The following SORCS1 variants were observed in gnomAD, a reference collection of about 807,000 sequenced individuals.
The protein encoded by SORCS1 is sortilin related VPS10 domain containing receptor 1.
Under a neutral mutation model 146.1 loss-of-function variants are expected in SORCS1, and 60 were observed. That is an observed-to-expected ratio of 0.41 (90% confidence interval 0.33 to 0.51). The LOEUF (loss-of-function observed/expected upper bound fraction) is 0.51. SORCS1 is among the 20% of genes least tolerant of loss of function. SORCS1 has a pLI of 0.21. For missense variants in SORCS1, 1,352 were observed against 1,487.6 expected (o/e 0.91, Z 1.50); for synonymous variants, 637 against 584.0 (o/e 1.09, Z -1.31).
chr10:107,175,041 C>T, the SORCS1 span, among the ~76,000 whole-genome samples: 1 of 152,068 alleles, frequency 6.6e-6, no homozygotes, highest in Non-Finnish European at 1.5e-5. Flanking sequence ...CGTTTTTCTC[C>T]TCTGTTCTGT....
Position 106,958,887 on chromosome 10 carries a change from C to T in SORCS1, c.559-2307G>A, listed in dbSNP as rs372002660. On this transcript the variant is annotated intron_variant, in intron 1 of 25. Coordinates refer to ENST00000263054, the MANE Select transcript of SORCS1 (RefSeq NM_052918.5). ...TGTTTGAAGACACAGAATGATGTTC[C>T]TACTCCACCTCAGTACAATTTTGCC... Among the ~76,000 whole-genome samples the T allele has an allele frequency of 1.0e-3, 154 of 152,260 alleles. 1 individual carries two copies. Among genetic ancestry groups the T allele is most frequent in the African/African-American group, 3.3e-3 (137 of 41,544 alleles).
chr10:106,880,941 T>A (rs1743739821), intron 2 of SORCS1, among the ~76,000 whole-genome samples: 1 of 151,638 alleles, frequency 6.6e-6, no homozygotes, highest in Admixed American at 6.6e-5. Context: ...ACAAAAAAAA[T>A]TAGCTGGGTG....
intron 2 of SORCS1, among the ~76,000 whole-genome samples, chr10:106,905,296 G>A (rs1377931257): frequency 6.6e-6 from 1 of 151,878 alleles, no homozygotes; most frequent in African/African-American, 2.4e-5. Context: ...AGTTGGAGAA[G>A]GAAAAGATAA....
chr10:107,103,302 G>A (rs1182472474), intron 1 of SORCS1, among the ~76,000 whole-genome samples: 1 of 152,180 alleles, frequency 6.6e-6, no homozygotes, highest in Non-Finnish European at 1.5e-5. Flanking sequence ...CCCAGCCCTT[G>A]ATGTGCAAAT....
At chr10:106,670,419 C>T (rs1010459988) in intron 16 of SORCS1, among the ~76,000 whole-genome samples, 1 of 152,208 alleles carries the variant, frequency 6.6e-6, no homozygotes, top group Non-Finnish European at 1.5e-5. Context: ...TTTATCACTA[C>T]GTTCACCGAG....
At chr10:106,933,662 G>A (rs1240687811) in intron 2 of SORCS1, among the ~76,000 whole-genome samples, 1 of 152,060 alleles carries the variant, frequency 6.6e-6, no homozygotes, top group Non-Finnish European at 1.5e-5. Context: ...AGCTATGGCA[G>A]AGGAAAGCAC....
chr10:106,895,530 G>A (rs148407755), intron 2 of SORCS1, among the ~76,000 whole-genome samples: 392 of 152,306 alleles, frequency 2.6e-3, no homozygotes, highest in African/African-American at 8.5e-3. Context: ...TGAATCGCTT[G>A]AACCCAGGAG....
At chr10:107,092,712 T>C (rs1394137051) in intron 1 of SORCS1, among the ~76,000 whole-genome samples, 1 of 152,092 alleles carries the variant, frequency 6.6e-6, no homozygotes, top group Non-Finnish European at 1.5e-5. Flanking sequence ...TCAATAACCA[T>C]AAGATGCCAA....
At chr10:107,147,040 T>C (rs1286890688) in intron 1 of SORCS1, among the ~76,000 whole-genome samples, 3 of 152,114 alleles carry the variant, frequency 2.0e-5, no homozygotes, top group Admixed American at 1.3e-4. Context: ...CCTAAGTCCT[T>C]ACCTACATTT....
At chr10:106,883,941 T>C (rs1027872988) in intron 2 of SORCS1, among the ~76,000 whole-genome samples, 13 of 152,224 alleles carry the variant, frequency 8.5e-5, no homozygotes, top group Non-Finnish European at 1.6e-4. Context: ...AAATTCATAA[T>C]ACACCCATAG....
rs927306389 is a variant in SORCS1, at chr10:106,667,895, CAATT to C, written c.2190-97_2190-94del. The C allele has an allele frequency of 7.3e-6, 5 of 684,758 alleles. No individual in the cohort carries two copies. The East Asian group carries it at 8.4e-5, about 11-fold the overall frequency. 42.4% of individuals were successfully genotyped at this position (684,758 alleles called of 1,614,324 possible). A position where few individuals can be genotyped will look rare whatever the true frequency, so the allele number is the denominator to read the frequency against. ...GTCCACAGCCAAGTTCCACACTAAT[CAATT>C]AGTCATAACAAACAAAAATAAAAAC... On this transcript the variant is annotated intron_variant, in intron 16 of 25. Coordinates refer to ENST00000263054, the MANE Select transcript of SORCS1 (RefSeq NM_052918.5).
At chr10:106,694,054 T>C (rs547185106) in intron 9 of SORCS1, among the ~76,000 whole-genome samples, 10 of 152,294 alleles carry the variant, frequency 6.6e-5, no homozygotes, top group Non-Finnish European at 1.5e-4. Context: ...CCACAATTTC[T>C]TTGGGCTTTG....
chr10:106,824,557 C>G (rs1465158782), intron 3 of SORCS1, among the ~76,000 whole-genome samples: 2 of 150,394 alleles, frequency 1.3e-5, no homozygotes, highest in African/African-American at 2.5e-5. Flanking sequence ...CCACTGCACT[C>G]CAGCCTGGGC....
chr10:106,923,804 A>T (rs1036170408), intron 2 of SORCS1, among the ~76,000 whole-genome samples: 1 of 151,992 alleles, frequency 6.6e-6, no homozygotes, highest in Admixed American at 6.6e-5. Context: ...GTTTGCTTGC[A>T]TGTTTGTTTG....
intron 1 of SORCS1, among the ~76,000 whole-genome samples, chr10:107,149,420 C>T (rs1968590083): frequency 6.6e-6 from 1 of 152,150 alleles, no homozygotes; most frequent in African/African-American, 2.4e-5. Flanking sequence ...CCATCCGATT[C>T]ATCCCAATAT....
At chr10:106,976,046 T>A (rs1489243664) in intron 1 of SORCS1, among the ~76,000 whole-genome samples, 3 of 149,466 alleles carry the variant, frequency 2.0e-5, no homozygotes, top group Non-Finnish European at 4.4e-5. Context: ...CTCAGGAGGC[T>A]GAGGCAGAAG....
At chr10:106,971,065 T>C (rs1289764884) in intron 1 of SORCS1, among the ~76,000 whole-genome samples, 2 of 152,018 alleles carry the variant, frequency 1.3e-5, no homozygotes, top group African/African-American at 4.8e-5. Context: ...CCAACAACTT[T>C]TACAGCATCT....
chr10:107,044,365 C>T (rs531639919), intron 1 of SORCS1, among the ~76,000 whole-genome samples: 1 of 151,906 alleles, frequency 6.6e-6, no homozygotes, highest in East Asian at 1.9e-4. Flanking sequence ...TACATAAACA[C>T]ACACACATGC....
At chr10:106,951,208 C>T (rs1055876884) in intron 2 of SORCS1, among the ~76,000 whole-genome samples, 1 of 152,044 alleles carries the variant, frequency 6.6e-6, no homozygotes, top group African/African-American at 2.4e-5. Context: ...AGATCTTTGT[C>T]CCCCTCTAAA....
Sources: allele counts gnomAD v4.1 joint callset (sites outside exome capture counted in the v4.1 genomes callset), GRCh38; gene constraint gnomAD v4.1.1; transcripts MANE v1.5; gene names NCBI Gene and HGNC (gene_info 2026-07-23, HGNC 2026-07-21).